Variants in PCDHA1 observed in about 807,000 individuals in gnomAD.
PCDHA1 encodes the protein protocadherin alpha-1.
In PCDHA1, 42 loss-of-function variants were observed where a neutral mutation model predicts 61.3. The observed-to-expected ratio is 0.69, with a 90% CI of 0.54 to 0.89. The LOEUF is 0.89. Ranked by LOEUF, PCDHA1 falls within the 40% of genes least tolerant of loss-of-function variation. The pLI, the probability that PCDHA1 is intolerant of heterozygous loss-of-function variation, is 0.00. For synonymous variants in PCDHA1, 610 were observed against 553.8 expected, an observed-to-expected ratio of 1.10 and a Z score of -1.43; for missense variants, 1,256 against 1,235.3, an observed-to-expected ratio of 1.02 and a Z score of -0.25.
At chr5:140,943,613 C>G (rs1490811039) in intron 1 of PCDHA1, among the ~76,000 whole-genome samples, 1 of 152,026 alleles carries the variant, frequency 6.6e-6, no homozygotes, top group African/African-American at 2.4e-5. Context: ...GACTTTGATT[C>G]ATCTGCATAA....
At chr5:140,908,578 GTAGT>G (rs1554193408) in intron 1 of PCDHA1, among the ~76,000 whole-genome samples, 1 of 152,196 alleles carries the variant, frequency 6.6e-6, no homozygotes, top group African/African-American at 2.4e-5. Flanking sequence ...CAAAAGGAGA[GTAGT>G]TAGCTGCAGA....
In PCDHA1 at chr5:140,788,260, C is replaced by T. The variant is rs1163768451; in HGVS notation, c.1970C>T (p.Pro657Leu). 1.2e-6 allele frequency: 2 copies of T among 1,613,844 alleles called. No homozygotes were observed. The highest frequency in any genetic ancestry group is 1.3e-5 in the African/African-American group (1 of 74,926). ...LLVLVKDHGE[P>L]ALTATATVLV... ...GTGCTAGTGAAGGATCACGGTGAGC[C>T]GGCGCTGACAGCCACGGCCACTGTG... The change falls in exon 1 of 4, where the codon CCG becomes CTG. Residue 657 changes from proline (P) to leucine (L), a missense_variant. Physicochemically the swap from Pro to Leu is moderately conservative, Grantham distance 98. Transcript: ENST00000504120.
chr5:141,009,771 T>C lies in PCDHA1; in HGVS notation c.2687T>C (p.Ile896Thr), dbSNP rs142720081. 3.1e-5 allele frequency: 50 copies of C among 1,613,964 alleles called. No homozygotes were observed. The highest frequency in any genetic ancestry group is 1.6e-4 in the Middle Eastern group (1 of 6,084). Residue 896 changes from isoleucine (I) to threonine (T), a missense_variant, in exon 4 of 4, where the codon ATC (isoleucine) becomes ACC (threonine). Transcript: ENST00000504120. ...DKFIIPGSPA[I>T]ISIRQEPTNS... ...TTCATTATCCCAGGATCTCCTGCAA[T>C]CATCTCCATCCGGCAGGAGCCTACT...
At chr5:140,994,157 G>A (rs958405989) in intron 3 of PCDHA1, among the ~76,000 whole-genome samples, 1 of 152,198 alleles carries the variant, frequency 6.6e-6, no homozygotes, top group Non-Finnish European at 1.5e-5. Context: ...TAGGGTCAAC[G>A]AAGGGGAAGG....
At position 140,877,725 on chromosome 5, in the gene PCDHA1, G is replaced by T. The variant is rs570815670; in HGVS notation, c.2394+89041G>T. On this transcript the variant is annotated intron_variant, in intron 1 of 3. Coordinates refer to ENST00000504120, the MANE Select transcript of PCDHA1 (RefSeq NM_018900.4). Reference sequence around the variant, plus strand: ...GCGCCGTGGGGAGTTGGTCTTACTCGCAGCAGAGGAGGCAGAGGGTGTGCT... The same window carrying T: ...GCGCCGTGGGGAGTTGGTCTTACTCTCAGCAGAGGAGGCAGAGGGTGTGCT... 5.6e-6 allele frequency: 9 copies of T among 1,614,124 alleles called. No individual in the cohort carries two copies. The South Asian group carries it at 8.8e-5, about 16-fold the overall frequency.
chr5:140,890,096 C>T (rs967857035), intron 1 of PCDHA1, among the ~76,000 whole-genome samples: 1 of 152,124 alleles, frequency 6.6e-6, no homozygotes, highest in Non-Finnish European at 1.5e-5. Flanking sequence ...AAATTTATTC[C>T]CAACTCTGGA....
In PCDHA1 at chr5:140,846,348, C is replaced by G. The variant is rs2150387302; in HGVS notation, c.2394+57664C>G. 4.3e-5 allele frequency among the ~76,000 whole-genome samples: 6 copies of G among 138,740 alleles called. 1 individual carries two copies. Among genetic ancestry groups the G allele is most frequent in the Admixed American group, 4.3e-4 (6 of 13,918 alleles). The allele number at this position is 138,740 out of a possible 152,430, so 91.0% of individuals were successfully genotyped here. Reference sequence around the variant, plus strand: ...TAAATAGCCTTTTAAAGTGCTTTCTCTTTTTTCTTTTCTTTTCTTTCTTTC... The same window carrying G: ...TAAATAGCCTTTTAAAGTGCTTTCTGTTTTTTCTTTTCTTTTCTTTCTTTC... On this transcript the variant is annotated intron_variant, in intron 1 of 3. Coordinates refer to ENST00000504120, the MANE Select transcript of PCDHA1 (RefSeq NM_018900.4).
At chr5:141,002,456 A>G (rs2098081347) in intron 3 of PCDHA1, among the ~76,000 whole-genome samples, 1 of 152,242 alleles carries the variant, frequency 6.6e-6, no homozygotes, top group Non-Finnish European at 1.5e-5. Context: ...GCACATTTGT[A>G]TAACGCTTTA....
intron 1 of PCDHA1, chr5:140,822,201 A>G: frequency 6.2e-7 from 1 of 1,614,246 alleles, no homozygotes; most frequent in Non-Finnish European, 8.5e-7. Context: ...TATTCATTTT[A>G]GAGTCAAGAA....
intron 1 of PCDHA1, among the ~76,000 whole-genome samples, chr5:140,953,914 T>A (rs1554221128): frequency 6.6e-6 from 1 of 152,134 alleles, no homozygotes; most frequent in South Asian, 2.1e-4. Context: ...ATCCATTAGG[T>A]ATTCTTCCTG....
At chr5:140,876,166 G>A (rs1554168317) in intron 1 of PCDHA1, 4 of 1,613,964 alleles carry the variant, frequency 2.5e-6, no homozygotes, top group Middle Eastern at 3.3e-4. Flanking sequence ...TCAAATAACC[G>A]TCCTGGATGT....
Position 140,881,317 on chromosome 5 carries a change from T to A in PCDHA1, c.2394+92633T>A, listed in dbSNP as rs2058663628. On this transcript the variant is annotated intron_variant, in intron 1 of 3. Coordinates refer to ENST00000504120, the MANE Select transcript of PCDHA1 (RefSeq NM_018900.4). ...GGAAACTTTAACCTCCTGGTTAAAT[T>A]CTATTTAACCAGGACGCCGATTCGG... 8.2e-6 allele frequency: 8 copies of A among 977,378 alleles called. No individual in the cohort carries two copies. The Admixed American group carries it at 4.9e-4, about 60-fold the overall frequency. The allele number at this position is 977,378 out of a possible 1,614,324, so 60.5% of individuals were successfully genotyped here.
At chr5:140,871,176 GCT>G in intron 1 of PCDHA1, 6 of 1,613,534 alleles carry the variant, frequency 3.7e-6, no homozygotes, top group Non-Finnish European at 5.1e-6. Context: ...CAGAGGCTGC[GCT>G]GGTGGATGTC....
chr5:140,850,738 G>A lies in PCDHA1; in HGVS notation c.2394+62054G>A. ...GTGTGTTCTAGCGCGGTGGGGAGTT[G>A]GTCGTACTCGCAGCAGAGGAGGCAG... On this transcript the variant is annotated intron_variant, in intron 1 of 3. Transcript: ENST00000504120. 8 of 1,597,962 alleles carry A rather than the reference G, an allele frequency of 5.0e-6. 2 individuals carry two copies. The highest frequency in any genetic ancestry group is 6.9e-6 in the Non-Finnish European group (8 of 1,167,602).
At chr5:140,830,622 CTTATT>C in intron 1 of PCDHA1, 1 of 582,670 alleles carries the variant, frequency 1.7e-6, no homozygotes. Flanking sequence ...TATTGTGTTT[CTTATT>C]TTAATCTCTT....
In PCDHA1 at chr5:140,855,633, A is replaced by G. The variant is rs2043544595; in HGVS notation, c.2394+66949A>G. On this transcript the variant is annotated intron_variant, in intron 1 of 3. Transcript: ENST00000504120. ...ATTAAGGGCATTTTGAAATTCGGCT[A>G]TTGATAATCATGTGGTTAGGGAAGA... 1.3e-5 allele frequency among the ~76,000 whole-genome samples: 2 copies of G among 149,874 alleles called. 1 individual carries two copies. Among genetic ancestry groups the G allele is most frequent in the African/African-American group, 4.9e-5 (2 of 40,848 alleles).
intron 1 of PCDHA1, chr5:140,808,232 G>C (rs1554124466): frequency 1.2e-6 from 2 of 1,614,122 alleles, no homozygotes; most frequent in Non-Finnish European, 1.7e-6. Context: ...TAATGTCCCA[G>C]ATTTGGAATT....
At chr5:140,969,034 G>A in intron 1 of PCDHA1, 1 of 1,614,144 alleles carries the variant, frequency 6.2e-7, no homozygotes, top group East Asian at 2.2e-5. Flanking sequence ...CTGCAGAACT[G>A]TACAAACAAG....
At chr5:140,883,971 C>G in intron 1 of PCDHA1, 1 of 1,613,030 alleles carries the variant, frequency 6.2e-7, no homozygotes. Context: ...CTGCTGACGC[C>G]CGGGGCTGGC....
Sources: allele counts gnomAD v4.1 joint callset (sites outside exome capture counted in the v4.1 genomes callset), GRCh38; gene constraint gnomAD v4.1.1; transcripts MANE v1.5; gene names NCBI Gene and HGNC (gene_info 2026-07-23, HGNC 2026-07-21).